The following DORIP1 variants were observed in gnomAD, a reference collection of about 807,000 sequenced individuals.
The protein encoded by DORIP1 is dopamine receptor-interacting protein 1.
the DORIP1 span, chr14:44,903,154 T>C: frequency 7.8e-7 from 1 of 1,287,372 alleles, no homozygotes; most frequent in Non-Finnish European, 1.1e-6. Context: ...TTATAATATA[T>C]TAAGATATAA....
the DORIP1 span, among the ~76,000 whole-genome samples, chr14:44,902,732 T>C: frequency 6.6e-6 from 1 of 152,174 alleles, no homozygotes; most frequent in Non-Finnish European, 1.5e-5. Flanking sequence ...CATCATACTC[T>C]ATAACTTTTA....
chr14:44,900,672 A>T, the DORIP1 span: 1 of 1,611,210 alleles, frequency 6.2e-7, no homozygotes, highest in Non-Finnish European at 8.5e-7. Flanking sequence ...TCCCTAGGGA[A>T]CTCTCTCTTC....
At chr14:44,902,461 T>C in the DORIP1 span, among the ~76,000 whole-genome samples, 1 of 152,148 alleles carries the variant, frequency 6.6e-6, no homozygotes, top group Non-Finnish European at 1.5e-5. Flanking sequence ...CCCAAGTAGC[T>C]GGCACCAGGG....
chr14:44,897,488 C>T, the DORIP1 span: 2 of 206,758 alleles, frequency 9.7e-6, no homozygotes, highest in Non-Finnish European at 1.9e-5. Flanking sequence ...GCGGCGGCGG[C>T]GGCGGCAGCC....
At chr14:44,901,382 T>G in the DORIP1 span, among the ~76,000 whole-genome samples, 2 of 152,218 alleles carry the variant, frequency 1.3e-5, no homozygotes, top group Non-Finnish European at 2.9e-5. Flanking sequence ...GTACAGAGCC[T>G]TTATAATTAC....
chr14:44,904,575 T>C, the DORIP1 span: 1 of 1,507,324 alleles, frequency 6.6e-7, no homozygotes, highest in East Asian at 2.3e-5. Context: ...ATAAAAAAAA[T>C]TTATCCTGTT....
the DORIP1 span, chr14:44,900,367 A>G: frequency 1.5e-6 from 2 of 1,295,216 alleles, no homozygotes; most frequent in Non-Finnish European, 1.0e-6. Context: ...TTTTCGTTTA[A>G]ACATATTATG....
At chr14:44,898,342 A>G in the DORIP1 span, among the ~76,000 whole-genome samples, 2 of 152,174 alleles carry the variant, frequency 1.3e-5, no homozygotes, top group East Asian at 1.9e-4. Context: ...GAGAAAGACT[A>G]AAGTTTCATG....
chr14:44,899,850 T>TTTTTG, the DORIP1 span, among the ~76,000 whole-genome samples: 1 of 144,986 alleles, frequency 6.9e-6, no homozygotes, highest in African/African-American at 2.5e-5. Context: ...TTTTTTTTTT[T>TTTTTG]GAGATGGAGT....
the DORIP1 span, chr14:44,897,619 C>T: frequency 6.4e-6 from 1 of 157,376 alleles, no homozygotes; most frequent in Non-Finnish European, 1.4e-5. Flanking sequence ...TGTGGGAACG[C>T]CTTCCGCGGC....
the DORIP1 span, among the ~76,000 whole-genome samples, chr14:44,900,120 G>A: frequency 7.9e-5 from 12 of 152,096 alleles, no homozygotes; most frequent in East Asian, 1.4e-3. Context: ...GTGAGCCACC[G>A]TGCCCAGCCT....
At chr14:44,899,041 C>T in the DORIP1 span, 3 of 152,134 alleles carry the variant, frequency 2.0e-5, no homozygotes, top group Non-Finnish European at 4.4e-5. Flanking sequence ...CAGATGCCTC[C>T]CTTTTTTCAT....
At chr14:44,904,458 C>T in the DORIP1 span, 3 of 1,611,900 alleles carry the variant, frequency 1.9e-6, no homozygotes, top group Non-Finnish European at 2.5e-6. Flanking sequence ...CTTTTGTTGT[C>T]TTAAATATGC....
chr14:44,900,947 C>G, the DORIP1 span: 69 of 1,572,426 alleles, frequency 4.4e-5, no homozygotes, highest in Middle Eastern at 3.4e-4. Flanking sequence ...CAGCAGCGCA[C>G]AATTAATATA....
At chr14:44,899,372 T>C in the DORIP1 span, 8 of 152,214 alleles carry the variant, frequency 5.3e-5, no homozygotes, top group African/African-American at 1.7e-4. Context: ...CAGATCTTCA[T>C]AGTATAGCCT....
At chr14:44,905,513 T>A in the DORIP1 span, 1 of 1,540,958 alleles carries the variant, frequency 6.5e-7, no homozygotes, top group Non-Finnish European at 8.8e-7. Flanking sequence ...TTTCTCCTCT[T>A]GTCATCATTG....
At chr14:44,905,570 G>T in the DORIP1 span, 1 of 1,461,114 alleles carries the variant, frequency 6.8e-7, no homozygotes, top group African/African-American at 1.4e-5. Flanking sequence ...GATGCTAAAA[G>T]TTGTTTTCCC....
At chr14:44,901,582 A>G in the DORIP1 span, among the ~76,000 whole-genome samples, 1 of 152,264 alleles carries the variant, frequency 6.6e-6, no homozygotes, top group East Asian at 1.9e-4. Context: ...TAATATGACT[A>G]TAGATGATTC....
chr14:44,900,979 G>A, the DORIP1 span: 1 of 1,538,018 alleles, frequency 6.5e-7, no homozygotes, highest in Non-Finnish European at 8.7e-7. Context: ...TCTAACGTCT[G>A]TTTTGTCACT....
Sources: gnomAD v4.1 joint callset for allele counts (sites outside exome capture counted in the v4.1 genomes callset) on GRCh38, gnomAD v4.1.1 for gene constraint, MANE v1.5 for transcripts, NCBI Gene and HGNC (gene_info 2026-07-23, HGNC 2026-07-21) for gene names.